Variants in ROBO1 observed in about 807,000 individuals in gnomAD.
The protein encoded by ROBO1 is roundabout homolog 1.
In ROBO1, 149 loss-of-function variants were observed where a neutral mutation model predicts 195.9. The ratio of observed to expected loss-of-function variants is 0.76; its 90% CI spans 0.67 to 0.87. The LOEUF is 0.87. Among genes scored for constraint, ROBO1 ranks in the 40% least tolerant of loss-of-function variants. The pLI is 0.00. For missense variants in ROBO1, 1,933 were observed against 2,068.3 expected (o/e 0.93, Z 1.27); for synonymous variants, 816 against 733.2 (o/e 1.11, Z -1.82).
intron 3 of ROBO1, among the ~76,000 whole-genome samples, chr3:79,100,112 C>G (rs2079648302): frequency 1.3e-5 from 2 of 151,744 alleles, no homozygotes; most frequent in African/African-American, 4.8e-5. Flanking sequence ...TTTGTTGTTT[C>G]ATTATTGAGG....
intron 2 of ROBO1, among the ~76,000 whole-genome samples, chr3:79,475,386 C>A (rs1938497952): frequency 6.6e-6 from 1 of 151,836 alleles, no homozygotes; most frequent in Non-Finnish European, 1.5e-5. Flanking sequence ...TATTACTGTT[C>A]ATGTTGAATA....
At chr3:79,690,201 T>C (rs901043612) in intron 1 of ROBO1, among the ~76,000 whole-genome samples, 1 of 151,958 alleles carries the variant, frequency 6.6e-6, no homozygotes, top group South Asian at 2.1e-4. Flanking sequence ...CTACCTCATA[T>C]GGAAAAAAAG....
rs574133445 is a variant in ROBO1, at chr3:78,780,557, C to A, written c.500-33657G>T. Among the ~76,000 whole-genome samples the A allele has an allele frequency of 1.5e-4, 23 of 152,114 alleles. No homozygotes were observed. The East Asian group carries it at 3.9e-3, about 26-fold the overall frequency. On this transcript the variant is annotated intron_variant, in intron 4 of 30. Transcript: ENST00000464233. Reference sequence around the variant, plus strand: ...TCTTATTGTACGCCTTCCTCTACTGCCAAAATAATTTTAACGTTGAGACAG... The same window carrying A: ...TCTTATTGTACGCCTTCCTCTACTGACAAAATAATTTTAACGTTGAGACAG...
At chr3:79,388,120 T>G (rs2036822036) in intron 2 of ROBO1, among the ~76,000 whole-genome samples, 1 of 152,174 alleles carries the variant, frequency 6.6e-6, no homozygotes, top group Non-Finnish European at 1.5e-5. Flanking sequence ...ATAGTGAAAC[T>G]AAGATCTTCA....
chr3:79,617,400 T>C (rs988805859), intron 1 of ROBO1, among the ~76,000 whole-genome samples: 2 of 152,176 alleles, frequency 1.3e-5, no homozygotes, highest in Admixed American at 1.3e-4. Context: ...AGATGGTTCA[T>C]ATGCCCAATA....
intron 4 of ROBO1, among the ~76,000 whole-genome samples, chr3:78,795,052 CAT>C (rs1312904886): frequency 3.3e-5 from 5 of 152,174 alleles, no homozygotes; most frequent in Admixed American, 3.3e-4. Flanking sequence ...GAAATTATGT[CAT>C]GTGTTCAAGT....
At chr3:78,656,542 G>A (rs984166024) in intron 18 of ROBO1, among the ~76,000 whole-genome samples, 5 of 151,674 alleles carry the variant, frequency 3.3e-5, no homozygotes, top group Admixed American at 2.0e-4. Context: ...TAGTAGAGAC[G>A]GGGTTTCACC....
intron 2 of ROBO1, among the ~76,000 whole-genome samples, chr3:79,141,998 G>T (rs2080537958): frequency 6.6e-6 from 1 of 151,744 alleles, no homozygotes; most frequent in Admixed American, 6.6e-5. Flanking sequence ...ATATCTGCCA[G>T]CCTTTATTCT....
At chr3:78,831,640 G>A (rs973383625) in intron 4 of ROBO1, among the ~76,000 whole-genome samples, 11 of 152,192 alleles carry the variant, frequency 7.2e-5, no homozygotes, top group African/African-American at 2.7e-4. Context: ...CACTAAAAGT[G>A]TGTGGTATTG....
rs2079431685 is a variant in ROBO1, at chr3:79,089,209, C to T, written c.172+36247G>A. On this transcript the variant is annotated intron_variant, in intron 3 of 30. Coordinates refer to ENST00000464233, the MANE Select transcript of ROBO1 (RefSeq NM_002941.4). ...TTTAAATCATATACCTCAGGTTATTCATATAGAAAATGCAACCAATAGAGA... is the reference window on the plus strand; with the variant it reads ...TTTAAATCATATACCTCAGGTTATTTATATAGAAAATGCAACCAATAGAGA... Among the ~76,000 whole-genome samples the T allele has an allele frequency of 2.6e-5, 4 of 152,018 alleles. No individual in the cohort carries two copies. The South Asian group carries it at 8.3e-4, about 32-fold the overall frequency.
intron 4 of ROBO1, among the ~76,000 whole-genome samples, chr3:78,795,083 A>C (rs1280774856): frequency 6.6e-6 from 1 of 152,164 alleles, no homozygotes. Flanking sequence ...TATCACTGAT[A>C]TTTTCCTTGC....
At chr3:79,506,552 C>T (rs1338665782) in intron 2 of ROBO1, among the ~76,000 whole-genome samples, 1 of 151,858 alleles carries the variant, frequency 6.6e-6, no homozygotes, top group East Asian at 1.9e-4. Context: ...TCAAGTAATT[C>T]TCCTGCCTCA....
intron 1 of ROBO1, among the ~76,000 whole-genome samples, chr3:79,601,038 T>C (rs977392367): frequency 1.3e-5 from 2 of 151,924 alleles, no homozygotes; most frequent in African/African-American, 4.8e-5. Context: ...ATATAATGTA[T>C]AAACAGAGTG....
At chr3:79,263,777 A>G (rs1020782547) in intron 2 of ROBO1, among the ~76,000 whole-genome samples, 1 of 151,714 alleles carries the variant, frequency 6.6e-6, no homozygotes, top group Non-Finnish European at 1.5e-5. Context: ...TCTTCCTCCC[A>G]TTTTCTTCTT....
At chr3:79,220,106 G>A (rs1380916479) in intron 2 of ROBO1, among the ~76,000 whole-genome samples, 1 of 151,992 alleles carries the variant, frequency 6.6e-6, no homozygotes, top group Non-Finnish European at 1.5e-5. Context: ...GAAGGAAAGG[G>A]AATGTATGCT....
intron 2 of ROBO1, among the ~76,000 whole-genome samples, chr3:79,156,301 A>G (rs2080857158): frequency 6.6e-6 from 1 of 151,546 alleles, no homozygotes; most frequent in Non-Finnish European, 1.5e-5. Context: ...TTTATTGGCT[A>G]TAAATTAAAT....
At chr3:79,147,442 C>A (rs1408522858) in intron 2 of ROBO1, among the ~76,000 whole-genome samples, 2 of 151,846 alleles carry the variant, frequency 1.3e-5, no homozygotes, top group African/African-American at 4.8e-5. Context: ...AAATGAGATA[C>A]CCAATATTTA....
At chr3:79,050,543 C>T (rs890212672) in intron 3 of ROBO1, among the ~76,000 whole-genome samples, 15 of 152,140 alleles carry the variant, frequency 9.9e-5, no homozygotes, top group South Asian at 4.2e-4. Context: ...TTGGACCAAG[C>T]GGACCTAATA....
At chr3:79,647,545 C>T (rs1409121914) in intron 1 of ROBO1, among the ~76,000 whole-genome samples, 1 of 145,628 alleles carries the variant, frequency 6.9e-6, no homozygotes, top group East Asian at 2.0e-4. Context: ...TGGTAAAGTA[C>T]GGAGACATTT....
Sources: gnomAD v4.1 joint callset for allele counts (sites outside exome capture counted in the v4.1 genomes callset) on GRCh38, gnomAD v4.1.1 for gene constraint, MANE v1.5 for transcripts, NCBI Gene and HGNC (gene_info 2026-07-23, HGNC 2026-07-21) for gene names.